The following PLCH1 variants were observed in gnomAD, a reference collection of about 807,000 sequenced individuals.
The protein encoded by PLCH1 is phospholipase C eta 1.
In PLCH1, 60 loss-of-function variants were observed where a neutral mutation model predicts 126.7. That is an observed-to-expected ratio of 0.47 (90% CI 0.38 to 0.59). The LOEUF (loss-of-function observed/expected upper bound fraction) is 0.59, where lower values mean the gene tolerates loss of function less well. PLCH1 is among the 20% of genes least tolerant of loss of function. PLCH1 has a pLI of 0.00. For missense variants in PLCH1, 1,723 were observed against 2,040.0 expected (o/e 0.84, Z 2.99); for synonymous variants, 719 against 734.9 (o/e 0.98, Z 0.35).
intron 2 of PLCH1, among the ~76,000 whole-genome samples, chr3:155,646,794 C>T (rs1475568260): frequency 6.6e-6 from 1 of 152,196 alleles, no homozygotes; most frequent in Non-Finnish European, 1.5e-5. Flanking sequence ...GCCCCAAGCT[C>T]ACGCTCTCTA....
intron 1 of PLCH1, chr3:155,743,213 G>C: frequency 2.2e-6 from 1 of 452,780 alleles, no homozygotes; most frequent in Admixed American, 2.4e-5. Flanking sequence ...GGGCTGTCAA[G>C]ATTCACAATT....
At chr3:155,596,959 T>C (rs759844686) in intron 2 of PLCH1, among the ~76,000 whole-genome samples, 9 of 152,234 alleles carry the variant, frequency 5.9e-5, no homozygotes, top group Non-Finnish European at 1.0e-4. Context: ...TGCATTAAAC[T>C]GCTAAGATAA....
intron 1 of PLCH1, among the ~76,000 whole-genome samples, chr3:155,740,281 G>A (rs186107960): frequency 1.4e-4 from 22 of 152,002 alleles, no homozygotes; most frequent in Admixed American, 2.6e-4. Flanking sequence ...CATGATGGCG[G>A]GCGCCTGTAA....
intron 2 of PLCH1, among the ~76,000 whole-genome samples, chr3:155,671,330 C>T (rs1209828419): frequency 1.3e-5 from 2 of 152,156 alleles, no homozygotes; most frequent in Non-Finnish European, 2.9e-5. Flanking sequence ...TTGATCCCAA[C>T]ATTTGCTATA....
At chr3:155,625,053 C>A (rs1258804429) in intron 2 of PLCH1, among the ~76,000 whole-genome samples, 2 of 152,062 alleles carry the variant, frequency 1.3e-5, no homozygotes, top group South Asian at 2.1e-4. Flanking sequence ...ATATATAGAC[C>A]AATGGAACAG....
intron 20 of PLCH1, 46 bp from the exon 21 acceptor site, chr3:155,488,153 T>G (rs767955862): frequency 8.0e-7 from 1 of 1,243,114 alleles, no homozygotes; most frequent in South Asian, 1.2e-5. Context: ...GAACTTGCAT[T>G]TGGCTTTCTC....
At chr3:155,652,767 C>G (rs1211071333) in intron 2 of PLCH1, among the ~76,000 whole-genome samples, 1 of 152,106 alleles carries the variant, frequency 6.6e-6, no homozygotes, top group East Asian at 1.9e-4. Context: ...GAGTCATAAC[C>G]CACCCTCTCA....
At chr3:155,588,356 T>C (rs147344318) in intron 4 of PLCH1, among the ~76,000 whole-genome samples, 3 of 152,164 alleles carry the variant, frequency 2.0e-5, no homozygotes, top group Non-Finnish European at 4.4e-5. Context: ...GGGTGAAACA[T>C]TTGGCCCAAT....
At chr3:155,728,699 C>A (rs529589199) in intron 1 of PLCH1, among the ~76,000 whole-genome samples, 1 of 152,146 alleles carries the variant, frequency 6.6e-6, no homozygotes. Context: ...GACTTCCTAA[C>A]CTCAGTCCTT....
rs193297926 is a variant in PLCH1, at chr3:155,616,870, T to A, written c.80-20492A>T. ...TATCAAGTGTTTTAAACCTTTGATA[T>A]GTGACAAACTTTCCAAAATCAAATT... On this transcript the variant is annotated intron_variant, in intron 2 of 22. Coordinates refer to ENST00000460012, the MANE Select transcript of PLCH1 (RefSeq NM_014996.4). Among the ~76,000 whole-genome samples, 8 of 152,336 alleles carry A rather than the reference T, an allele frequency of 5.3e-5. 1 individual carries two copies. In the East Asian group the frequency reaches 1.5e-3, roughly 29 times the overall value.
intron 2 of PLCH1, 44 bp downstream of exon 2, chr3:155,704,102 A>T: frequency 2.3e-6 from 2 of 878,406 alleles, no homozygotes; most frequent in Admixed American, 4.3e-5. Flanking sequence ...CCTGTCAGAA[A>T]CAAAATAAAA....
intron 21 of PLCH1, among the ~76,000 whole-genome samples, chr3:155,460,862 G>A (rs1712697783): frequency 6.6e-6 from 1 of 152,076 alleles, no homozygotes; most frequent in African/African-American, 2.4e-5. Flanking sequence ...GTGCTAGTGG[G>A]CTACTGCAAA....
intron 10 of PLCH1, among the ~76,000 whole-genome samples, chr3:155,548,447 C>G (rs907815850): frequency 1.3e-5 from 2 of 152,274 alleles, no homozygotes; most frequent in Non-Finnish European, 2.9e-5. Flanking sequence ...ATGCCATAAG[C>G]CCTGGGATAT....
chr3:155,516,422 AC>A (rs1458309139), intron 11 of PLCH1, among the ~76,000 whole-genome samples: 1 of 152,164 alleles, frequency 6.6e-6, no homozygotes, highest in African/African-American at 2.4e-5. Context: ...CAAAGGATTT[AC>A]ATGAATTAAG....
chr3:155,468,695 C>T (rs1713024355), intron 21 of PLCH1, among the ~76,000 whole-genome samples: 1 of 152,036 alleles, frequency 6.6e-6, no homozygotes, highest in Non-Finnish European at 1.5e-5. Flanking sequence ...GAAGATATAA[C>T]AATTTTAAAC....
At chr3:155,536,171 C>G (rs1723330246) in intron 10 of PLCH1, among the ~76,000 whole-genome samples, 1 of 152,214 alleles carries the variant, frequency 6.6e-6, no homozygotes, top group African/African-American at 2.4e-5. Context: ...AGAATCTGAA[C>G]AGCAGCCTTT....
chr3:155,553,844 G>T (rs1446110190), intron 9 of PLCH1, among the ~76,000 whole-genome samples: 1 of 152,162 alleles, frequency 6.6e-6, no homozygotes, highest in Non-Finnish European at 1.5e-5. Flanking sequence ...TGTCTTTAAG[G>T]AGGCATATTG....
chr3:155,539,515 C>T (rs1425756955), intron 10 of PLCH1, among the ~76,000 whole-genome samples: 3 of 152,144 alleles, frequency 2.0e-5, no homozygotes, highest in Non-Finnish European at 4.4e-5. Context: ...CCTAAAGGCT[C>T]ATCCAAAAAG....
intron 2 of PLCH1, among the ~76,000 whole-genome samples, chr3:155,620,486 T>C (rs1736330649): frequency 1.3e-5 from 2 of 152,106 alleles, no homozygotes; most frequent in South Asian, 4.1e-4. Flanking sequence ...AACAAGGTAG[T>C]GTCAGGGATG....
Sources: gnomAD v4.1 joint callset for allele counts (sites outside exome capture counted in the v4.1 genomes callset) on GRCh38, gnomAD v4.1.1 for gene constraint, MANE v1.5 for transcripts, NCBI Gene and HGNC (gene_info 2026-07-23, HGNC 2026-07-21) for gene names.